Variants in TDRD1 observed in about 807,000 individuals in gnomAD.
The protein encoded by TDRD1 is tudor domain containing 1, also known as tudor domain-containing protein 1.
TDRD1 carries 37 observed loss-of-function variants against 140.6 expected under a neutral mutation model. The ratio of observed to expected loss-of-function variants is 0.26; its 90% CI spans 0.20 to 0.35. The LOEUF (loss-of-function observed/expected upper bound fraction) is 0.35. TDRD1 is among the 10% of genes least tolerant of loss of function. The pLI is 1.00. For synonymous variants in TDRD1, 506 were observed against 475.7 expected, an observed-to-expected ratio of 1.06 and a Z score of -0.83; for missense variants, 1,243 against 1,393.0, an observed-to-expected ratio of 0.89 and a Z score of 1.71.
At chr10:114,193,525 C>G (rs1391833877) in intron 3 of TDRD1, among the ~76,000 whole-genome samples, 1 of 152,244 alleles carries the variant, frequency 6.6e-6, no homozygotes, top group East Asian at 1.9e-4. Flanking sequence ...AACTCCTGAC[C>G]TTAGGTCATC....
exon 20 of TDRD1, chr10:114,221,421 T>A: frequency 6.2e-7 from 1 of 1,613,470 alleles, no homozygotes; most frequent in Non-Finnish European, 8.5e-7. Context: ...TACAAGCAAA[T>A]GTATTAGAAA....
At chr10:114,183,510 TG>T (rs754056918) in intron 1 of TDRD1, among the ~76,000 whole-genome samples, 4 of 152,206 alleles carry the variant, frequency 2.6e-5, no homozygotes, top group Admixed American at 6.6e-5. Flanking sequence ...TTATTTATAA[TG>T]TAATATGTTT....
At chr10:114,204,288 A>G in intron 9 of TDRD1, 72 bp downstream of exon 9, 3 of 1,468,166 alleles carry the variant, frequency 2.0e-6, no homozygotes, top group Non-Finnish European at 2.7e-6. Context: ...TGATGGGCAC[A>G]GTGTTTGCTT....
At chr10:114,200,879 A>T (rs2034692019) in intron 4 of TDRD1, among the ~76,000 whole-genome samples, 1 of 108,766 alleles carries the variant, frequency 9.2e-6, no homozygotes, top group Admixed American at 1.3e-4. Flanking sequence ...TTTGAGACAG[A>T]GTCTCACTCT....
chr10:114,187,288 G>A (rs1393045772), intron 1 of TDRD1, among the ~76,000 whole-genome samples: 1 of 152,178 alleles, frequency 6.6e-6, no homozygotes, highest in Admixed American at 6.5e-5. Context: ...GGAGGGAAGA[G>A]GGGTCAGCTG....
At chr10:114,189,855 G>A (rs1318833467) in intron 2 of TDRD1, among the ~76,000 whole-genome samples, 2 of 152,226 alleles carry the variant, frequency 1.3e-5, no homozygotes, top group African/African-American at 2.4e-5. Context: ...TGACCAATGC[G>A]TGGTATTGCA....
chr10:114,189,353 C>T (rs1269388888), intron 2 of TDRD1, among the ~76,000 whole-genome samples: 1 of 152,162 alleles, frequency 6.6e-6, no homozygotes, highest in Non-Finnish European at 1.5e-5. Context: ...CTTCTTGGAA[C>T]ATACTTTTTA....
At chr10:114,226,165 A>G (rs1250085788) in exon 22 of TDRD1, 1 of 1,613,778 alleles carries the variant, frequency 6.2e-7, no homozygotes, top group South Asian at 1.1e-5. Context: ...GCAACCAATC[A>G]CCTCTAGCCA....
chr10:114,203,020 A>C, intron 6 of TDRD1, 52 bp from the exon 7 acceptor site: 1 of 1,239,814 alleles, frequency 8.1e-7, no homozygotes, highest in Non-Finnish European at 1.2e-6. Context: ...CCATAGAATC[A>C]TTGAAACATG....
At chr10:114,216,570 G>T (rs1183823687) in intron 16 of TDRD1, among the ~76,000 whole-genome samples, 1 of 152,184 alleles carries the variant, frequency 6.6e-6, no homozygotes, top group African/African-American at 2.4e-5. Flanking sequence ...ATAAATACAG[G>T]ATTAGTGGTT....
intron 16 of TDRD1, among the ~76,000 whole-genome samples, chr10:114,214,437 G>A (rs1336040533): frequency 6.6e-6 from 1 of 152,172 alleles, no homozygotes; most frequent in African/African-American, 2.4e-5. Context: ...TGAGGCAAGA[G>A]GATGACGAGG....
intron 25 of TDRD1, chr10:114,228,773 A>G: frequency 1.0e-6 from 1 of 985,380 alleles, no homozygotes; most frequent in Non-Finnish European, 1.2e-6. Context: ...TAAATTTTTG[A>G]TTAAGAGCCA....
chr10:114,204,105 T>C (rs373173413), exon 9 of TDRD1: 1 of 1,606,986 alleles, frequency 6.2e-7, no homozygotes, highest in Non-Finnish European at 8.5e-7. Context: ...AAAACGTTGA[T>C]GTGCAGCAAA....
intron 7 of TDRD1, 88 bp from the exon 8 acceptor site, chr10:114,203,300 T>C: frequency 6.6e-7 from 1 of 1,509,040 alleles, no homozygotes; most frequent in Non-Finnish European, 9.0e-7. Context: ...CCTACAATGC[T>C]GTTTGTGTCT....
intron 1 of TDRD1, chr10:114,180,130 C>T (rs947677239): frequency 6.6e-6 from 1 of 152,194 alleles, no homozygotes; most frequent in Non-Finnish European, 1.5e-5. Context: ...TTATTTTCAT[C>T]TTAAGCCTGC....
At chr10:114,224,856 G>T (rs1221073247) in intron 21 of TDRD1, among the ~76,000 whole-genome samples, 1 of 152,160 alleles carries the variant, frequency 6.6e-6, no homozygotes, top group Admixed American at 6.5e-5. Context: ...TGTGATGTTA[G>T]AGGCTTTCTG....
chr10:114,214,517 C>T (rs1193772691), intron 16 of TDRD1, among the ~76,000 whole-genome samples: 1 of 152,012 alleles, frequency 6.6e-6, no homozygotes, highest in African/African-American at 2.4e-5. Context: ...AGAGCTAGAC[C>T]GTGTCTCTGG....
chr10:114,232,234 A>T (rs2036792684), exon 26 of TDRD1: 1 of 151,624 alleles, frequency 6.6e-6, no homozygotes, highest in East Asian at 1.9e-4. Flanking sequence ...AGAAATCTGT[A>T]GCTAGATTTT....
At chr10:114,197,075 G>A (rs1330953173) in intron 3 of TDRD1, among the ~76,000 whole-genome samples, 4 of 151,824 alleles carry the variant, frequency 2.6e-5, no homozygotes, top group Non-Finnish European at 5.9e-5. Flanking sequence ...TTGAACTCCT[G>A]ACCTCAGGTG....
Sources: gnomAD v4.1 joint callset for allele counts (sites outside exome capture counted in the v4.1 genomes callset) on GRCh38, gnomAD v4.1.1 for gene constraint, MANE v1.5 for transcripts, NCBI Gene and HGNC (gene_info 2026-07-23, HGNC 2026-07-21) for gene names.